NFU1: variants seen among roughly 807,000 people sequenced by gnomAD.
NFU1 encodes NFU1 iron-sulfur cluster scaffold, also known as NFU1 iron-sulfur cluster scaffold homolog, mitochondrial.
NFU1 carries 30 observed loss-of-function variants against 32.2 expected under a neutral mutation model. The observed-to-expected ratio is 0.93, with a 90% CI of 0.70 to 1.26. The LOEUF is 1.26. Ranked by LOEUF, NFU1 falls within the 50% of genes most tolerant of loss-of-function variation. NFU1 has a pLI of 0.00. For missense variants in NFU1, 306 were observed against 306.6 expected, an observed-to-expected ratio of 1.00 and a Z score of 0.02; for synonymous variants, 112 against 104.6, an observed-to-expected ratio of 1.07 and a Z score of -0.43.
intron 6 of NFU1, among the ~76,000 whole-genome samples, chr2:69,401,040 A>G (rs1213717087): frequency 6.6e-6 from 1 of 152,204 alleles, no homozygotes; most frequent in Non-Finnish European, 1.5e-5. Context: ...AAATATACTC[A>G]GTCACTTCTT....
At chr2:69,417,574 C>G (rs925910452) in intron 4 of NFU1, among the ~76,000 whole-genome samples, 1 of 151,920 alleles carries the variant, frequency 6.6e-6, no homozygotes, top group Non-Finnish European at 1.5e-5. Context: ...ATCGCTTGAG[C>G]CTGGGAGTTA....
chr2:69,411,881 TGGTGTCCAGCCCA>T (rs1672892477), intron 5 of NFU1, among the ~76,000 whole-genome samples: 1 of 152,082 alleles, frequency 6.6e-6, no homozygotes, highest in South Asian at 2.1e-4. Flanking sequence ...GTGTGGGGCG[TGGTGTCCAGCCCA>T]GAATATTTTT....
Position 69,423,648 on chromosome 2 carries a change from G to C in NFU1, c.236C>G (p.Pro79Arg), listed in dbSNP as rs1673342619. 2 of 1,612,616 alleles carry C rather than the reference G, an allele frequency of 1.2e-6. No homozygotes were observed. Among genetic ancestry groups the C allele is most frequent in the East Asian group, 4.5e-5 (2 of 44,862 alleles). Residue 79 changes from proline (P) to arginine (R), a missense_variant, in exon 3 of 8, where the codon CCA (proline) becomes CGA (arginine). Pro to Arg is a moderately radical substitution (Grantham distance 103). Coordinates refer to ENST00000410022, the MANE Select transcript of NFU1 (RefSeq NM_001002755.4). ...ATCCATGGTCCTTGTCTCAAGAACTGGTTTTCCTGGTATAAACTTTAAGCT... is the reference window on the plus strand; with the variant it reads ...ATCCATGGTCCTTGTCTCAAGAACTCGTTTTCCTGGTATAAACTTTAAGCT... ...PNSLKFIPGK[P>R]VLETRTMDFP... is the part of the protein sequence containing the mutation.
At chr2:69,408,459 C>T (rs1478810341) in intron 5 of NFU1, among the ~76,000 whole-genome samples, 2 of 152,114 alleles carry the variant, frequency 1.3e-5, no homozygotes, top group Admixed American at 6.6e-5. Flanking sequence ...GTGGCTCACA[C>T]CTGTAATCCC....
intron 5 of NFU1, among the ~76,000 whole-genome samples, chr2:69,413,338 TAAA>T (rs199601356): frequency 1.5e-5 from 2 of 137,134 alleles, no homozygotes; most frequent in Admixed American, 1.5e-4. Context: ...AACATACGGG[TAAA>T]AAAAAAAAAA....
chr2:69,413,840 A>G (rs1413083948), intron 5 of NFU1, among the ~76,000 whole-genome samples: 1 of 151,964 alleles, frequency 6.6e-6, no homozygotes, highest in Non-Finnish European at 1.5e-5. Context: ...TGAGGTCTGG[A>G]GTTCAAGACC....
At chr2:69,410,807 A>G (rs1041650143) in intron 5 of NFU1, 2 of 152,204 alleles carry the variant, frequency 1.3e-5, no homozygotes, top group Non-Finnish European at 2.9e-5. Flanking sequence ...AATGTTGAAG[A>G]AATGTTAATT....
At chr2:69,400,566 T>C in intron 6 of NFU1, 28 bp from the exon 7 acceptor site, 1 of 1,602,270 alleles carries the variant, frequency 6.2e-7, no homozygotes, top group Non-Finnish European at 8.5e-7. Context: ...ATTTATGACA[T>C]ATTCTTTAAA....
At chr2:69,396,856 A>G (rs577942158) in intron 7 of NFU1, among the ~76,000 whole-genome samples, 95 of 152,004 alleles carry the variant, frequency 6.2e-4, no homozygotes, top group African/African-American at 2.2e-3. Context: ...GCAGATCATG[A>G]GGGCAGAAGA....
upstream of NFU1, chr2:69,437,474 G>C: frequency 1.3e-6 from 2 of 1,584,260 alleles, no homozygotes; most frequent in Non-Finnish European, 1.7e-6. Flanking sequence ...AAAGATCTGC[G>C]CAGCCGCAGG....
intron 5 of NFU1, among the ~76,000 whole-genome samples, chr2:69,408,175 G>A (rs190098634): frequency 5.6e-4 from 85 of 152,132 alleles, no homozygotes; most frequent in African/African-American, 2.0e-3. Flanking sequence ...CCCAGCACGT[G>A]TTTACATTTA....
intron 2 of NFU1, among the ~76,000 whole-genome samples, chr2:69,427,246 G>A (rs1033671740): frequency 2.0e-5 from 3 of 151,124 alleles, no homozygotes; most frequent in African/African-American, 4.9e-5. Context: ...TTAACCGGGC[G>A]TGGTGGCAGG....
intron 3 of NFU1, among the ~76,000 whole-genome samples, chr2:69,421,099 G>A (rs2104785331): frequency 6.6e-6 from 1 of 152,154 alleles, no homozygotes; most frequent in East Asian, 1.9e-4. Flanking sequence ...AATTACTAGG[G>A]AGGCTAAGGC....
At chr2:69,438,248 C>CT (rs373475726), upstream of NFU1, among the ~76,000 whole-genome samples, 4,035 of 145,556 alleles carry the variant, frequency 0.028, 166 homozygotes, top group Admixed American at 0.11. Context: ...TTGTTACTTG[C>CT]TTTTTTTTTT....
intron 5 of NFU1, among the ~76,000 whole-genome samples, chr2:69,410,557 T>C (rs1211251138): frequency 6.6e-6 from 1 of 152,192 alleles, no homozygotes; most frequent in Non-Finnish European, 1.5e-5. Context: ...GTGTGAAATG[T>C]GGTAACAGTT....
At chr2:69,419,135 G>A (rs898490682) in intron 4 of NFU1, among the ~76,000 whole-genome samples, 29 of 150,746 alleles carry the variant, frequency 1.9e-4, no homozygotes, top group African/African-American at 6.5e-4. Context: ...CCAACATGGC[G>A]AAACCCTGTC....
At chr2:69,415,583 C>T (rs1372391254) in intron 4 of NFU1, among the ~76,000 whole-genome samples, 1 of 152,048 alleles carries the variant, frequency 6.6e-6, no homozygotes, top group South Asian at 2.1e-4. Context: ...ATGAAATACT[C>T]TCCAGCACGT....
rs374442440 is a variant in NFU1 at position 69,437,386 on chromosome 2, C to T, written c.37G>A (p.Ala13Thr). 1.9e-6 allele frequency: 3 copies of T among 1,609,440 alleles called. No individual in the cohort carries two copies. Among genetic ancestry groups the T allele is most frequent in the South Asian group, 1.1e-5 (1 of 90,948 alleles). ...ATARRGWGAA[A>T]VAAGLRRRFC... ...CGCCTGCGCAGCCCGGCGGCAACAG[C>T]CGCAGCTCCCCAGCCCCGCCTGGCC... Residue 13 changes from alanine (A) to threonine (T), a missense_variant, in exon 1 of 8, where the codon GCT (alanine) becomes ACT (threonine). Coordinates refer to ENST00000410022, the MANE Select transcript of NFU1 (RefSeq NM_001002755.4).
intron 2 of NFU1, among the ~76,000 whole-genome samples, chr2:69,428,249 AC>A (rs1179806168): frequency 6.6e-6 from 1 of 151,674 alleles, no homozygotes; most frequent in Non-Finnish European, 1.5e-5. Context: ...ACATGGTAAA[AC>A]CCTGTGTCTA....
Sources: allele counts gnomAD v4.1 joint callset (sites outside exome capture counted in the v4.1 genomes callset), GRCh38; gene constraint gnomAD v4.1.1; transcripts MANE v1.5; gene names NCBI Gene and HGNC (gene_info 2026-07-23, HGNC 2026-07-21).